Variants in QRICH2 observed in about 807,000 individuals in gnomAD.
QRICH2 encodes the protein glutamine-rich protein 2.
QRICH2 carries 119 observed loss-of-function variants against 168.3 expected under a neutral mutation model. The ratio of observed to expected loss-of-function variants is 0.71; its 90% confidence interval spans 0.61 to 0.82. The LOEUF is 0.82. Among genes scored for constraint, QRICH2 ranks in the 40% least tolerant of loss-of-function variants. The pLI is 0.00. For missense variants in QRICH2, 2,241 were observed against 2,491.6 expected (o/e 0.90, Z 2.14); for synonymous variants, 894 against 951.2 (o/e 0.94, Z 1.11).
intron 14 of QRICH2, among the ~76,000 whole-genome samples, 185 bp from the exon 15 acceptor site, chr17:76,278,374 A>G (rs2070727988): frequency 6.6e-6 from 1 of 152,228 alleles, no homozygotes; most frequent in Non-Finnish European, 1.5e-5. Context: ...CTTGCCGGGA[A>G]GGCTTTCCTC....
At chr17:76,286,307 A>G (rs2070884357) in intron 7 of QRICH2, among the ~76,000 whole-genome samples, 5 of 152,262 alleles carry the variant, frequency 3.3e-5, no homozygotes, top group Admixed American at 3.3e-4. Flanking sequence ...ATGGAATGCT[A>G]TGAAGCCATA....
chr17:76,291,354 C>T lies in QRICH2; in HGVS notation c.3373G>A (p.Gly1125Ser). 6.2e-7 allele frequency: 1 copy of T among 1,614,108 alleles called. No individual in the cohort carries two copies. The highest frequency in any genetic ancestry group is 1.3e-5 in the African/African-American group (1 of 75,032). ...GPGYLSADQH[G>S]QEGLDPNRTR... ...CTATTTGGATCCAAACCTTCCTGGCCATGCTGATCAGCACTTAGATACCCT... is the reference window on the plus strand; with the variant it reads ...CTATTTGGATCCAAACCTTCCTGGCTATGCTGATCAGCACTTAGATACCCT... The change falls in exon 4 of 19, where the codon GGC becomes AGC. Residue 1125 changes from glycine (G) to serine (S), a missense_variant. Gly to Ser is a moderately conservative substitution (Grantham distance 56). Coordinates refer to ENST00000680821, the MANE Select transcript of QRICH2 (RefSeq NM_001388453.1).
intron 7 of QRICH2, among the ~76,000 whole-genome samples, chr17:76,285,979 T>C (rs911044868): frequency 3.3e-5 from 5 of 152,034 alleles, no homozygotes; most frequent in African/African-American, 7.2e-5. Flanking sequence ...GAGACCATCC[T>C]GGCTAACACA....
chr17:76,282,599 T>C (rs905287049), intron 7 of QRICH2, among the ~76,000 whole-genome samples: 9 of 152,154 alleles, frequency 5.9e-5, no homozygotes, highest in African/African-American at 1.9e-4. Flanking sequence ...ATACAGGAAC[T>C]TGGCAGGTGC....
rs2070970096 is a variant in QRICH2 at position 76,305,045 on chromosome 17, ACACATGCATACACG to A, written c.535-118_535-105del. 1.1e-5 allele frequency: 9 copies of A among 801,506 alleles called. No homozygotes were observed. In the East Asian group the frequency reaches 2.2e-4, roughly 20 times the overall value. 49.6% of individuals were successfully genotyped at this position (801,506 alleles called of 1,614,324 possible). ...CACACACACTCTCACACTCAGACAC[ACACATGCATACACG>A]CACATTCACACACTGACTCAGTGCC... On this transcript the variant is annotated intron_variant, in intron 1 of 18. Coordinates refer to ENST00000680821, the MANE Select transcript of QRICH2 (RefSeq NM_001388453.1).
chr17:76,299,891 G>C lies in QRICH2; in HGVS notation c.705+4524C>G, dbSNP rs113720725. Reference sequence around the variant, plus strand: ...TGCCCAGGCTGGAGTGCAGTGATGCGATCTCGGCTCACTGCAACCTCCGCC... The same window carrying C: ...TGCCCAGGCTGGAGTGCAGTGATGCCATCTCGGCTCACTGCAACCTCCGCC... On this transcript the variant is annotated intron_variant, in intron 3 of 18. Transcript: ENST00000680821. 4.1e-3 allele frequency among the ~76,000 whole-genome samples: 619 copies of C among 151,154 alleles called. 6 individuals carry two copies. The highest frequency in any genetic ancestry group is 0.014 in the African/African-American group (580 of 41,230).
intron 7 of QRICH2, 96 bp from the exon 8 acceptor site, chr17:76,282,211 CCT>C (rs754356897): frequency 1.5e-4 from 209 of 1,432,368 alleles, no homozygotes; most frequent in Non-Finnish European, 1.5e-4. Flanking sequence ...GTGCCTCTCC[CCT>C]GTCGTGCCCT....
intron 1 of QRICH2, among the ~76,000 whole-genome samples, chr17:76,306,960 T>C (rs1598508596): frequency 6.6e-6 from 1 of 151,872 alleles, no homozygotes; most frequent in South Asian, 2.1e-4. Context: ...GAAGCTGAGG[T>C]CCAACTCTCC....
chr17:76,274,288 CA>C, intron 18 of QRICH2, 28 bp from the exon 19 acceptor site: 1 of 1,566,096 alleles, frequency 6.4e-7, no homozygotes, highest in Non-Finnish European at 8.6e-7. Context: ...TGAGGTTGCT[CA>C]ACACATTCCC....
rs763342731 is a variant in QRICH2, at chr17:76,291,254, G to A, written c.3473C>T (p.Pro1158Leu). The A allele has an allele frequency of 5.6e-6, 9 of 1,614,224 alleles. No individual in the cohort carries two copies. Among genetic ancestry groups the A allele is most frequent in the Non-Finnish European group, 6.8e-6 (8 of 1,180,036 alleles). Residue 1158 changes from proline to leucine, a missense_variant, in exon 4 of 19, where the codon CCA (proline) becomes CTA (leucine). Pro to Leu is a moderately conservative substitution (Grantham distance 98, BLOSUM62 -3). Around this residue, in one of 3 missense-constraint regions of QRICH2, gnomAD observed 2,047 missense variants for 2,303.8 expected, o/e 0.89. Transcript: ENST00000680821. ...PGQDVTLFRS[P>L]DSVDRVLSEG... ...TGATAAGACTCGGTCGACGGAGTCTGGACTCCTGAAAAGAGTGACATCTTG... is the reference window on the plus strand; with the variant it reads ...TGATAAGACTCGGTCGACGGAGTCTAGACTCCTGAAAAGAGTGACATCTTG...
At chr17:76,308,442 T>A (rs956427271), upstream of QRICH2, 2 of 985,256 alleles carry the variant, frequency 2.0e-6, no homozygotes, top group African/African-American at 3.5e-5. Context: ...ATCCATCCCC[T>A]TAACCTAGAA....
At chr17:76,296,634 C>T (rs962027784) in intron 3 of QRICH2, among the ~76,000 whole-genome samples, 1 of 151,988 alleles carries the variant, frequency 6.6e-6, no homozygotes. Context: ...AAAAGTTAGC[C>T]AGGCACAGTG....
At chr17:76,282,485 C>T (rs1407022693) in intron 7 of QRICH2, among the ~76,000 whole-genome samples, 2 of 152,206 alleles carry the variant, frequency 1.3e-5, no homozygotes, top group Admixed American at 6.5e-5. Context: ...ACACAGGCCC[C>T]GCCCCAGGCT....
Position 76,304,517 on chromosome 17 carries a change from G to T in QRICH2, c.603C>A (p.Val201=), listed in dbSNP as rs776188671. 50 of 1,611,498 alleles carry T rather than the reference G, an allele frequency of 3.1e-5. No homozygotes were observed. The highest frequency in any genetic ancestry group is 4.2e-5 in the Non-Finnish European group (49 of 1,178,342). The change falls in exon 3 of 19, where the codon GTC becomes GTA. Residue 201 remains valine, a synonymous_variant. Coordinates refer to ENST00000680821, the MANE Select transcript of QRICH2 (RefSeq NM_001388453.1). ...FKDREQFLEL[V]SRKLSLVPGA... is the part of the protein sequence containing the mutation. The stretch of plus-strand genomic sequence containing the variant: ...CAGGAACCAAACTCAGCTTCCGGCT[G>T]ACTAGTTCCTGACAGTGACAGAAAA...
chr17:76,276,828 C>T lies in QRICH2; in HGVS notation c.5266-61G>A, dbSNP rs2070689578. On this transcript the variant is annotated intron_variant, in intron 16 of 18. Coordinates refer to ENST00000680821, the MANE Select transcript of QRICH2 (RefSeq NM_001388453.1). ...AGCCACAGCCCTCCCCTGGCCCCTT[C>T]ACACGGGACTGAGGCACAGAGCACT... 4 of 1,307,316 alleles carry T rather than the reference C, an allele frequency of 3.1e-6. No individual in the cohort carries two copies. In the East Asian group the frequency reaches 9.2e-5, roughly 30 times the overall value. 81.0% of individuals were successfully genotyped at this position (1,307,316 alleles called of 1,614,324 possible).
chr17:76,277,340 G>A, intron 15 of QRICH2, 30 bp from the exon 16 acceptor site: 1 of 1,603,078 alleles, frequency 6.2e-7, no homozygotes, highest in South Asian at 1.1e-5. Context: ...GAGTCATTGG[G>A]AGCAGACCAC....
rs140126126 is a variant in QRICH2 at position 76,296,675 on chromosome 17, G to A, written c.706-2654C>T. ...TGCTTGTAGTCGCAGCTACTTGGGA[G>A]GCTGAGGCAGGAGAATCACTTGAAC... On this transcript the variant is annotated intron_variant, in intron 3 of 18. Coordinates refer to ENST00000680821, the MANE Select transcript of QRICH2 (RefSeq NM_001388453.1). 8.3e-3 allele frequency among the ~76,000 whole-genome samples: 1,268 copies of A among 151,976 alleles called. 7 individuals are homozygous for A. The highest frequency in any genetic ancestry group is 0.013 in the Non-Finnish European group (910 of 67,988).
intron 5 of QRICH2, among the ~76,000 whole-genome samples, chr17:76,289,198 A>T (rs1264075265): frequency 6.6e-6 from 1 of 152,038 alleles, no homozygotes; most frequent in Non-Finnish European, 1.5e-5. Flanking sequence ...TTTAAAAAAA[A>T]TTTTTTTAGA....
At position 76,307,895 on chromosome 17, in the gene QRICH2, A is replaced by C; in HGVS notation, c.104T>G (p.Val35Gly). Residue 35 changes from valine (V) to glycine (G), a missense_variant, in exon 1 of 19, where the codon GTG becomes GGG. Val to Gly is a moderately radical substitution (Grantham distance 109). Coordinates refer to ENST00000680821, the MANE Select transcript of QRICH2 (RefSeq NM_001388453.1). This position sits in a 1 kb window ranked among gnomAD's most constrained non-coding sequence, Gnocchi z 5.3. ...GAGGTCGAGGTTCTTGAGCATGGCC[A>C]CGATGAGCGTGTGCAGGGCCGTGAA... ...VNFTALHTLI[V>G]AMLKNLDLQN... 1.6e-6 allele frequency: 2 copies of C among 1,268,334 alleles called. No individual in the cohort carries two copies. The highest frequency in any genetic ancestry group is 2.0e-6 in the Non-Finnish European group (2 of 1,009,038). The allele number at this position is 1,268,334 out of a possible 1,614,324, so 78.6% of individuals were successfully genotyped here. A position where few individuals can be genotyped will look rare whatever the true frequency, so the allele number is the denominator to read the frequency against.
Sources: allele counts gnomAD v4.1 joint callset (sites outside exome capture counted in the v4.1 genomes callset), GRCh38; gene constraint gnomAD v4.1.1; regional missense constraint gnomAD v4.1.1; non-coding constraint Gnocchi (gnomAD v3.1); transcripts MANE v1.5; gene names NCBI Gene and HGNC (gene_info 2026-07-23, HGNC 2026-07-21).